Variants in ALKBH5 observed in about 807,000 individuals in gnomAD.
ALKBH5 encodes the protein RNA demethylase ALKBH5.
ALKBH5 carries 2 observed loss-of-function variants against 32.1 expected under a neutral mutation model. The ratio of observed to expected loss-of-function variants is 0.06; its 90% CI spans 0.03 to 0.20. The LOEUF is 0.20. Ranked by LOEUF, ALKBH5 falls within the 10% of genes least tolerant of loss-of-function variation. ALKBH5 has a pLI of 1.00. For synonymous variants in ALKBH5, 300 were observed against 231.7 expected (o/e 1.29, Z -2.68); for missense variants, 352 against 559.5 (o/e 0.63, Z 3.74).
chr17:18,200,495 G>A (rs954173073), intron 2 of ALKBH5, among the ~76,000 whole-genome samples: 5 of 152,162 alleles, frequency 3.3e-5, no homozygotes, highest in Non-Finnish European at 5.9e-5. Flanking sequence ...TTGGTCAAGT[G>A]GAACTCAGCT....
intron 1 of ALKBH5, among the ~76,000 whole-genome samples, chr17:18,188,266 C>T (rs936042499): frequency 1.3e-5 from 2 of 152,222 alleles, no homozygotes; most frequent in African/African-American, 4.8e-5. Context: ...AGGCTAATTG[C>T]TTACTTGCTG....
At chr17:18,188,204 A>G (rs2047151226) in intron 1 of ALKBH5, among the ~76,000 whole-genome samples, 1 of 152,252 alleles carries the variant, frequency 6.6e-6, no homozygotes, top group Admixed American at 6.5e-5. Flanking sequence ...TGTTGGCTGC[A>G]TGGGGCAGAT....
In ALKBH5 at chr17:18,199,921, G is replaced by A. The variant is rs984299321; in HGVS notation, c.851+4886G>A. ...GGAGTTCAAGACTAGCCTGACTAAC[G>A]TGATGAAAATTCTAAAAATACAAGA... On this transcript the variant is annotated intron_variant, in intron 2 of 3. Coordinates refer to ENST00000399138, the MANE Select transcript of ALKBH5 (RefSeq NM_017758.4). Among the ~76,000 whole-genome samples, 5 of 151,850 alleles carry A rather than the reference G, an allele frequency of 3.3e-5. No individual in the cohort carries two copies. The East Asian group carries it at 5.8e-4, about 18-fold the overall frequency.
At chr17:18,202,343 C>T (rs907892445) in intron 2 of ALKBH5, among the ~76,000 whole-genome samples, 1 of 151,960 alleles carries the variant, frequency 6.6e-6, no homozygotes, top group African/African-American at 2.4e-5. Context: ...AAACAGAAGT[C>T]TGATGTTGGC....
chr17:18,185,146 G>A lies in ALKBH5; in HGVS notation c.770+133G>A, dbSNP rs2047130470. The A allele has an allele frequency of 5.5e-6, 8 of 1,441,630 alleles. No homozygotes were observed. In the South Asian group the frequency reaches 8.5e-5, roughly 15 times the overall value. The allele number at this position is 1,441,630 out of a possible 1,614,324, so 89.3% of individuals were successfully genotyped here. ...CAGTTCTTCTGTTTGTAGATTGTAGGGAGCGAGAGAAGGGTTTTGTGTTTA... is the reference window on the plus strand; with the variant it reads ...CAGTTCTTCTGTTTGTAGATTGTAGAGAGCGAGAGAAGGGTTTTGTGTTTA... On this transcript the variant is annotated intron_variant, in intron 1 of 3. Transcript: ENST00000399138.
Position 18,184,260 on chromosome 17 carries a change from G to C in ALKBH5, c.17G>C (p.Gly6Ala). 6.6e-7 allele frequency: 1 copy of C among 1,520,400 alleles called. No individual in the cohort carries two copies. The highest frequency in any genetic ancestry group is 8.8e-7 in the Non-Finnish European group (1 of 1,138,500). 94.2% of individuals were successfully genotyped at this position (1,520,400 alleles called of 1,614,324 possible). The change falls in exon 1 of 4, where the codon GGC becomes GCC. Residue 6 changes from glycine (G) to alanine (A), a missense_variant. Around this residue, in one of 4 missense-constraint regions of ALKBH5, gnomAD observed 144 missense variants for 125.8 expected, o/e 1.14. Coordinates refer to ENST00000399138, the MANE Select transcript of ALKBH5 (RefSeq NM_017758.4). MAAASGYTDLREKLKS... is the reference protein window; with the variant it reads MAAASAYTDLREKLKS... ...GTGGGGGCCATGGCGGCCGCCAGCG[G>C]CTACACGGACCTGCGTGAGAAGCTC...
At chr17:18,201,866 A>G (rs1352938532) in intron 2 of ALKBH5, among the ~76,000 whole-genome samples, 2 of 151,800 alleles carry the variant, frequency 1.3e-5, no homozygotes, top group African/African-American at 4.8e-5. Context: ...ATTGATTTAA[A>G]AAACCAGGTG....
At chr17:18,204,452 A>T (rs2047258372) in intron 2 of ALKBH5, among the ~76,000 whole-genome samples, 1 of 93,804 alleles carries the variant, frequency 1.1e-5, no homozygotes, top group African/African-American at 4.7e-5. Context: ...ACTCTCTTAA[A>T]AAAAAAAAAA....
chr17:18,189,078 T>TA (rs201234613), intron 1 of ALKBH5, among the ~76,000 whole-genome samples: 3,651 of 136,432 alleles, frequency 0.027, 52 homozygotes, highest in Middle Eastern at 0.053. Context: ...AAAAAAATAA[T>TA]AAAAAAAAAA....
intron 2 of ALKBH5, among the ~76,000 whole-genome samples, chr17:18,201,619 G>T (rs938678779): frequency 6.6e-6 from 1 of 152,092 alleles, no homozygotes; most frequent in South Asian, 2.1e-4. Context: ...TTAGCCGGGC[G>T]TGGTAGCATG....
At chr17:18,191,949 T>TAAAAAAAAAAAAA (rs553466001) in intron 1 of ALKBH5, among the ~76,000 whole-genome samples, 3 of 140,742 alleles carry the variant, frequency 2.1e-5, no homozygotes, top group Admixed American at 1.4e-4. Flanking sequence ...ACTCTGTCTT[T>TAAAAAAAAAAAAA]AAAAAAAAAA....
Position 18,206,950 on chromosome 17 carries a change from A to G in ALKBH5, c.987A>G (p.Ala329=), listed in dbSNP as rs776151395. The change falls in exon 3 of 4, where the codon GCA becomes GCG. Residue 329 remains alanine, a synonymous_variant. Transcript: ENST00000399138. ...AACCCAAGCGGTCCCACCGCAAGGCAGACCCTGATGCTGCCCACAGGTACT... is the reference window on the plus strand; with the variant it reads ...AACCCAAGCGGTCCCACCGCAAGGCGGACCCTGATGCTGCCCACAGGTACT... ...ALKPKRSHRK[A]DPDAAHRPRI... is the part of the protein sequence containing the mutation. The G allele has an allele frequency of 1.2e-6, 2 of 1,614,250 alleles. No homozygotes were observed. The highest frequency in any genetic ancestry group is 2.2e-5 in the East Asian group (1 of 44,880).
At chr17:18,202,227 G>T (rs1281051307) in intron 2 of ALKBH5, among the ~76,000 whole-genome samples, 1 of 152,082 alleles carries the variant, frequency 6.6e-6, no homozygotes, top group African/African-American at 2.4e-5. Context: ...AGAATGGCAT[G>T]AACCCAGGAG....
At chr17:18,207,372 A>AT (rs1289719802) in intron 3 of ALKBH5, among the ~76,000 whole-genome samples, 1 of 151,854 alleles carries the variant, frequency 6.6e-6, no homozygotes, top group Non-Finnish European at 1.5e-5. Context: ...TAAAGGAAAA[A>AT]AAATGTTTTG....
rs781269881 is a variant in ALKBH5 at position 18,184,480 on chromosome 17, G to A, written c.237G>A (p.Glu79=). Residue 79 remains glutamate (E), a synonymous_variant, in exon 1 of 4, where the codon GAG becomes GAA. Transcript: ENST00000399138. The part of the protein sequence containing the change: ...SDYEEQQLQK[E]EEARKVKSGI... ...ATGAGGAGCAGCAGCTGCAGAAGGAGGAGGAGGCGCGCAAGGTGAAGAGCG... is the reference window on the plus strand; with the variant it reads ...ATGAGGAGCAGCAGCTGCAGAAGGAAGAGGAGGCGCGCAAGGTGAAGAGCG... 1 of 1,612,922 alleles carries A rather than the reference G, an allele frequency of 6.2e-7. No homozygotes were observed. The highest frequency in any genetic ancestry group is 1.1e-5 in the South Asian group (1 of 91,082).
In ALKBH5 at chr17:18,209,111, CTT is replaced by C. The variant is rs1176463975; in HGVS notation, c.*716_*717del. On this transcript the variant is annotated 3_prime_UTR_variant, in exon 4 of 4. Coordinates refer to ENST00000399138, the MANE Select transcript of ALKBH5 (RefSeq NM_017758.4). ...GGCTAGTGCAGTGGTCCTGACCTCT[CTT>C]ATCAAGAGCACACTTCTTTGCTGGT... 6.5e-6 allele frequency: 1 copy of C among 154,110 alleles called. No individual in the cohort carries two copies. Among genetic ancestry groups the C allele is most frequent in the African/African-American group, 2.4e-5 (1 of 41,450 alleles). The allele number at this position is 154,110 out of a possible 1,614,324, so 9.5% of individuals were successfully genotyped here.
In ALKBH5 at chr17:18,209,060, G is replaced by A. The variant is rs1477896359; in HGVS notation, c.*664G>A. The stretch of plus-strand genomic sequence containing the variant: ...CCACCCACGCCCACTAGCCTGCCAT[G>A]TCCACAGTTCCTTGGGCTGCTGAGG... On this transcript the variant is annotated 3_prime_UTR_variant, in exon 4 of 4. Transcript: ENST00000399138. 2 of 162,152 alleles carry A rather than the reference G, an allele frequency of 1.2e-5. No homozygotes were observed. The highest frequency in any genetic ancestry group is 4.8e-5 in the African/African-American group (2 of 41,502). 10.0% of individuals were successfully genotyped at this position (162,152 alleles called of 1,614,324 possible).
intron 2 of ALKBH5, among the ~76,000 whole-genome samples, chr17:18,198,089 A>G (rs2047214480): frequency 6.6e-6 from 1 of 152,200 alleles, no homozygotes; most frequent in Non-Finnish European, 1.5e-5. Context: ...CATGATAACC[A>G]ACTCCTCAGA....
At chr17:18,194,116 T>G (rs892382835) in intron 1 of ALKBH5, among the ~76,000 whole-genome samples, 1 of 145,380 alleles carries the variant, frequency 6.9e-6, no homozygotes, top group Non-Finnish European at 1.5e-5. Context: ...TAAACAGATA[T>G]CTGAGTATGA....
Sources: gnomAD v4.1 joint callset for allele counts (sites outside exome capture counted in the v4.1 genomes callset) on GRCh38, gnomAD v4.1.1 for gene constraint, gnomAD v4.1.1 regional missense constraint, MANE v1.5 for transcripts, NCBI Gene and HGNC (gene_info 2026-07-23, HGNC 2026-07-21) for gene names.